The following EVPL variants were observed in gnomAD, a reference collection of about 807,000 sequenced individuals.
The protein encoded by EVPL is envoplakin, also known as 210 kDa cornified envelope precursor protein.
In EVPL, 94 loss-of-function variants were observed where a neutral mutation model predicts 129.7. The observed-to-expected ratio is 0.72, with a 90% CI of 0.61 to 0.86. The LOEUF (loss-of-function observed/expected upper bound fraction) is 0.86. EVPL is among the 40% of genes least tolerant of loss of function. The pLI is 0.00. For missense variants in EVPL, 2,625 were observed against 2,721.1 expected (o/e 0.96, Z 0.79); for synonymous variants, 1,172 against 1,191.1 (o/e 0.98, Z 0.33).
rs2066357358 is a variant in EVPL, at chr17:76,009,594, G to A, written c.3611C>T (p.Pro1204Leu). The change falls in exon 22 of 22, where the codon CCG (proline) becomes CTG (leucine). Residue 1204 changes from proline to leucine, a missense_variant. Physicochemically the swap from Pro to Leu is moderately conservative, Grantham distance 98. Around this residue, in one of 4 missense-constraint regions of EVPL, gnomAD observed 1,453 missense variants for 1,511.8 expected, o/e 0.96. Transcript: ENST00000301607. The surrounding 1 kb of genome is among the most constrained non-coding windows in gnomAD (Gnocchi z 5.9). ...ERVHEIFQVDPETEQEITRLK... is the reference protein window; with the variant it reads ...ERVHEIFQVDLETEQEITRLK... ...CCGAGTGATCTCCTGCTCTGTCTCCGGATCCACCTGGAAGATCTCGTGGAC... is the reference window on the plus strand; with the variant it reads ...CCGAGTGATCTCCTGCTCTGTCTCCAGATCCACCTGGAAGATCTCGTGGAC... 6 of 1,613,988 alleles carry A rather than the reference G, an allele frequency of 3.7e-6. No homozygotes were observed. The highest frequency in any genetic ancestry group is 2.2e-5 in the East Asian group (1 of 44,882).
intron 1 of EVPL, among the ~76,000 whole-genome samples, chr17:76,026,753 GCTCTCCTGTCTCCCAGC>G (rs1221922204): frequency 1.4e-5 from 2 of 143,426 alleles, no homozygotes; most frequent in Non-Finnish European, 3.1e-5. Flanking sequence ...TGTCTCCCAG[GCTCTCCTGTCTCCCAGC>G]CTCTGGCAGA....
chr17:76,010,737 G>A (rs533638672), intron 21 of EVPL, among the ~76,000 whole-genome samples, 194 bp from the exon 22 acceptor site: 1 of 152,280 alleles, frequency 6.6e-6, no homozygotes, highest in East Asian at 1.9e-4. Flanking sequence ...TAGGACCCAA[G>A]GCAGTGCGCA....
In EVPL at chr17:76,022,700, G is replaced by A. The variant is rs1472110698; in HGVS notation, c.481-162C>T. On this transcript the variant is annotated intron_variant, in intron 4 of 21. Coordinates refer to ENST00000301607, the MANE Select transcript of EVPL (RefSeq NM_001988.4). The surrounding 1 kb of genome is among the most constrained non-coding windows in gnomAD (Gnocchi z 5.6). Reference sequence around the variant, plus strand: ...GCCCTGCAGCTCCCCCAGGGGCGAGGCCATTCTGCAGTGGCCCCTGAGTCC... The same window carrying A: ...GCCCTGCAGCTCCCCCAGGGGCGAGACCATTCTGCAGTGGCCCCTGAGTCC... 1.3e-5 allele frequency among the ~76,000 whole-genome samples: 2 copies of A among 152,148 alleles called. No homozygotes were observed. The highest frequency in any genetic ancestry group is 4.8e-5 in the African/African-American group (2 of 41,422).
Position 76,007,314 on chromosome 17 carries a change from A to G in EVPL, c.5891T>C (p.Ile1964Thr). 6.4e-7 allele frequency: 1 copy of G among 1,556,488 alleles called. No homozygotes were observed. Residue 1964 changes from isoleucine (I) to threonine (T), a missense_variant, in exon 22 of 22, where the codon ATC (isoleucine) becomes ACC (threonine). Ile to Thr is a moderately conservative substitution (Grantham distance 89, BLOSUM62 -1). Transcript: ENST00000301607. This position sits in a 1 kb window ranked among gnomAD's most constrained non-coding sequence, Gnocchi z 8.8. ...CAGGAGCTGGGCCAGCTCTTCACTG[A>G]TCATCCCGGAGAGGAGGGCCTGCTG... Reference protein sequence around the residue: ...PIQQALLSGMISEELAQLLQD... With the variant: ...PIQQALLSGMTSEELAQLLQD...
chr17:76,011,893 A>G lies in EVPL; in HGVS notation c.2458-11T>C. On this transcript the variant is annotated splice_polypyrimidine_tract_variant and intron_variant, in intron 19 of 21. Coordinates refer to ENST00000301607, the MANE Select transcript of EVPL (RefSeq NM_001988.4). ...CTGGAGCTCATAGTCCTGAGCAGGG[A>G]GGAAAGGACAGCAGGCTGGCAACCA... 1 of 1,612,418 alleles carries G rather than the reference A, an allele frequency of 6.2e-7. No individual in the cohort carries two copies. The highest frequency in any genetic ancestry group is 8.5e-7 in the Non-Finnish European group (1 of 1,179,340).
Position 76,013,598 on chromosome 17 carries a change from C to T in EVPL, c.2373+828G>A, listed in dbSNP as rs1255105608. Reference sequence around the variant, plus strand: ...ATCACCGGGCCCCGTCCATCTCACTCACTGTCCCCTTCAAGCAGTCACCAA... The same window carrying T: ...ATCACCGGGCCCCGTCCATCTCACTTACTGTCCCCTTCAAGCAGTCACCAA... On this transcript the variant is annotated intron_variant, in intron 18 of 21. Coordinates refer to ENST00000301607, the MANE Select transcript of EVPL (RefSeq NM_001988.4). The surrounding 1 kb of genome is among the most constrained non-coding windows in gnomAD (Gnocchi z 4.3). 6.6e-6 allele frequency among the ~76,000 whole-genome samples: 1 copy of T among 152,168 alleles called. No individual in the cohort carries two copies. The highest frequency in any genetic ancestry group is 1.5e-5 in the Non-Finnish European group (1 of 68,022).
At chr17:76,025,434 G>T (rs2066491963) in intron 1 of EVPL, among the ~76,000 whole-genome samples, 1 of 152,170 alleles carries the variant, frequency 6.6e-6, no homozygotes, top group African/African-American at 2.4e-5. Flanking sequence ...AGCCAACAGG[G>T]CCCTGAGGAC....
Position 76,009,548 on chromosome 17 carries a change from C to G in EVPL, c.3657G>C (p.Glu1219Asp). The change falls in exon 22 of 22, where the codon GAG (glutamate) becomes GAC (aspartate). Residue 1219 changes from glutamate to aspartate, a missense_variant. Physicochemically the swap from Glu to Asp is conservative, Grantham distance 45. Around this residue, in one of 4 missense-constraint regions of EVPL, gnomAD observed 1,453 missense variants for 1,511.8 expected, o/e 0.96. Transcript: ENST00000301607. This position sits in a 1 kb window ranked among gnomAD's most constrained non-coding sequence, Gnocchi z 5.9. ...CCACACCGCTCCTCTTGCCCGCCAT[C>G]TCCTGCAGCTTGGCCTTGAGCCGAG... Reference protein sequence around the residue: ...EITRLKAKLQEMAGKRSGVEK... With the variant: ...EITRLKAKLQDMAGKRSGVEK... The G allele has an allele frequency of 5.6e-6, 9 of 1,614,142 alleles. No individual in the cohort carries two copies. Among genetic ancestry groups the G allele is most frequent in the Non-Finnish European group, 7.6e-6 (9 of 1,180,028 alleles).
At chr17:76,019,383 C>T in intron 10 of EVPL, 145 bp downstream of exon 10, 1 of 1,093,732 alleles carries the variant, frequency 9.1e-7, no homozygotes, top group South Asian at 1.8e-5. Context: ...TGGCCAGCCT[C>T]CTGCTAGAGT....
In EVPL at chr17:76,015,254, A is replaced by T; in HGVS notation, c.2001T>A (p.Ala667=). ...QEAPIPAEPG[A]LQERVSELQR... ...GCAGCTCGCTGACCCTCTCCTGCAG[A>T]GCCCCCGGTTCAGCAGGGATGGGGG... The change falls in exon 16 of 22, where the codon GCT becomes GCA. Residue 667 remains alanine, a synonymous_variant. Coordinates refer to ENST00000301607, the MANE Select transcript of EVPL (RefSeq NM_001988.4). 7 of 1,600,996 alleles carry T rather than the reference A, an allele frequency of 4.4e-6. No individual in the cohort carries two copies. Among genetic ancestry groups the T allele is most frequent in the Non-Finnish European group, 5.9e-6 (7 of 1,177,712 alleles).
chr17:76,010,545 T>C lies in EVPL; in HGVS notation c.2662-2A>G. 6.2e-7 allele frequency: 1 copy of C among 1,609,318 alleles called. No homozygotes were observed. Among genetic ancestry groups the C allele is most frequent in the Non-Finnish European group, 8.5e-7 (1 of 1,177,598 alleles). ...TCGGATGTCCTCACTGAGCTCCTTC[T>C]GCAGAGAGGAAGAAGGGTAGAGCAC... On this transcript the variant is annotated splice_acceptor_variant, in intron 21 of 21. Coordinates refer to ENST00000301607, the MANE Select transcript of EVPL (RefSeq NM_001988.4). LOFTEE classifies it high-confidence loss of function.
Position 76,021,957 on chromosome 17 carries a change from C to G in EVPL, c.717G>C (p.Leu239=). ...GGCGCTGCTGCTCAGCCAGGGCGCT[C>G]AGCTGCCGCGTGCAGCCCTGGAGGT... The part of the protein sequence containing the change: ...YTHLQGCTRQ[L]SALAEQQRRI... Residue 239 remains leucine (L), a synonymous_variant, in exon 7 of 22, where the codon CTG becomes CTC. Coordinates refer to ENST00000301607, the MANE Select transcript of EVPL (RefSeq NM_001988.4). The G allele has an allele frequency of 1.3e-6, 2 of 1,560,346 alleles. No homozygotes were observed. The highest frequency in any genetic ancestry group is 1.7e-6 in the Non-Finnish European group (2 of 1,160,358).
In EVPL at chr17:76,009,071, G is replaced by C. The variant is rs1213386611; in HGVS notation, c.4134C>G (p.Thr1378=). The C allele has an allele frequency of 6.2e-7, 1 of 1,613,602 alleles. No homozygotes were observed. The highest frequency in any genetic ancestry group is 8.5e-7 in the Non-Finnish European group (1 of 1,179,736). The part of the protein sequence containing the change: ...EKVVVQEVVV[T]QKDPKLREEH... ...CCTCGCGCAGCTTCGGGTCCTTCTG[G>C]GTGACCACCACCTCCTGCACCACCA... Residue 1378 remains threonine (T), a synonymous_variant, in exon 22 of 22, where the codon ACC becomes ACG. Coordinates refer to ENST00000301607, the MANE Select transcript of EVPL (RefSeq NM_001988.4). This position sits in a 1 kb window ranked among gnomAD's most constrained non-coding sequence, Gnocchi z 5.9.
chr17:76,017,818 T>A lies in EVPL; in HGVS notation c.1631A>T (p.Gln544Leu). 1 of 1,613,840 alleles carries A rather than the reference T, an allele frequency of 6.2e-7. No individual in the cohort carries two copies. The highest frequency in any genetic ancestry group is 1.3e-5 in the African/African-American group (1 of 75,064). ...CGGGGCCCGCGCCCAGGCCAGCACCTGCCTCTCTATCTGTCCCAGGTCTCC... is the reference window on the plus strand; with the variant it reads ...CGGGGCCCGCGCCCAGGCCAGCACCAGCCTCTCTATCTGTCCCAGGTCTCC... ...LDGDLGQIERQVLAWARAPLS... is the reference protein window; with the variant it reads ...LDGDLGQIERLVLAWARAPLS... The change falls in exon 14 of 22, where the codon CAG becomes CTG. Residue 544 changes from glutamine to leucine, a missense_variant. Gln to Leu is a moderately radical substitution (Grantham distance 113). Transcript: ENST00000301607.
At position 76,021,869 on chromosome 17, in the gene EVPL, C is replaced by G. The variant is rs772658064; in HGVS notation, c.805G>C (p.Glu269Gln). The G allele has an allele frequency of 6.4e-7, 1 of 1,557,044 alleles. No individual in the cohort carries two copies. Among genetic ancestry groups the G allele is most frequent in the Non-Finnish European group, 8.6e-7 (1 of 1,158,496 alleles). ...GGCCCCGACCTCTGCCAGCCGACCT[C>G]GTACTCCCGCCGCACGCCCGCAGGG... is the stretch of plus-strand genomic sequence containing the variant. The part of the protein sequence containing the change: ...ADPAGVRREY[E>Q]HFKQHELLSQ... The change falls in exon 7 of 22, where the codon GAG (glutamate) becomes CAG (glutamine). Residue 269 changes from glutamate (E) to glutamine (Q), a missense_variant and splice_region_variant. Coordinates refer to ENST00000301607, the MANE Select transcript of EVPL (RefSeq NM_001988.4).
rs1231347436 is a variant in EVPL at position 76,008,325 on chromosome 17, T to G, written c.4880A>C (p.Glu1627Ala). 6.2e-7 allele frequency: 1 copy of G among 1,606,752 alleles called. No homozygotes were observed. The highest frequency in any genetic ancestry group is 8.5e-7 in the Non-Finnish European group (1 of 1,179,852). The change falls in exon 22 of 22, where the codon GAG becomes GCG. Residue 1627 changes from glutamate (E) to alanine (A), a missense_variant. Physicochemically the swap from Glu to Ala is moderately radical, Grantham distance 107. This residue lies in a region of EVPL where 1,453 missense variants were observed against 1,511.8 expected (regional missense o/e 0.96). Transcript: ENST00000301607. This position sits in a 1 kb window ranked among gnomAD's most constrained non-coding sequence, Gnocchi z 7.4. ...GCCCCGCTGGGCCGCCTTCTGTCGC[T>G]CGCTCTCCGTCTTCTGGCTGAGCAG... The part of the protein sequence containing the change: ...SKLLSQKTES[E>A]RQKAAQRGQE...
In EVPL at chr17:76,014,981, G is replaced by A; in HGVS notation, c.2157C>T (p.Arg719=). Residue 719 remains arginine, a synonymous_variant, in exon 17 of 22, where the codon CGC becomes CGT. Coordinates refer to ENST00000301607, the MANE Select transcript of EVPL (RefSeq NM_001988.4). The part of the protein sequence containing the change: ...NFQEFCQDLP[R]QQRQVRALTD... Reference sequence around the variant, plus strand: ...TGAGGGCTCGCACCTGGCGCTGCTGGCGAGGCAGGTCTTGGCAGAACTCCT... The same window carrying A: ...TGAGGGCTCGCACCTGGCGCTGCTGACGAGGCAGGTCTTGGCAGAACTCCT... 1 of 1,597,120 alleles carries A rather than the reference G, an allele frequency of 6.3e-7. No individual in the cohort carries two copies. Among genetic ancestry groups the A allele is most frequent in the Non-Finnish European group, 8.5e-7 (1 of 1,175,926 alleles).
Position 76,024,139 on chromosome 17 carries a change from A to G in EVPL, c.99-19T>C, listed in dbSNP as rs2066483351. 3.7e-6 allele frequency: 6 copies of G among 1,610,532 alleles called. No homozygotes were observed. Among genetic ancestry groups the G allele is most frequent in the Non-Finnish European group, 5.1e-6 (6 of 1,178,426 alleles). On this transcript the variant is annotated intron_variant, in intron 1 of 21. Coordinates refer to ENST00000301607, the MANE Select transcript of EVPL (RefSeq NM_001988.4). This position sits in a 1 kb window ranked among gnomAD's most constrained non-coding sequence, Gnocchi z 4.5. Reference sequence around the variant, plus strand: ...GGCAGCCCTAGTGTGTGGAGGGGACAGCGGGTAGCTCGGTGGAAGAGGCCC... The same window carrying G: ...GGCAGCCCTAGTGTGTGGAGGGGACGGCGGGTAGCTCGGTGGAAGAGGCCC...
Position 76,024,119 on chromosome 17 carries a change from C to T in EVPL, c.100G>A (p.Ala34Thr), listed in dbSNP as rs752596212. 8.1e-6 allele frequency: 13 copies of T among 1,613,324 alleles called. No individual in the cohort carries two copies. In the Admixed American group the frequency reaches 2.2e-4, roughly 27 times the overall value. ...PKGSPSRHSRAATQELALLIS... is the reference protein window; with the variant it reads ...PKGSPSRHSRTATQELALLIS... ...AGAAGGGCCAGCTCCTGGGTGGCAG[C>T]CCTAGTGTGTGGAGGGGACAGCGGG... The change falls in exon 2 of 22, where the codon GCT becomes ACT. Residue 34 changes from alanine to threonine, a missense_variant and splice_region_variant. Coordinates refer to ENST00000301607, the MANE Select transcript of EVPL (RefSeq NM_001988.4). The surrounding 1 kb of genome is among the most constrained non-coding windows in gnomAD (Gnocchi z 4.5).
Sources: gnomAD v4.1 joint callset for allele counts (sites outside exome capture counted in the v4.1 genomes callset) on GRCh38, gnomAD v4.1.1 for gene constraint, gnomAD v4.1.1 regional missense constraint, Gnocchi (gnomAD v3.1) non-coding constraint, MANE v1.5 for transcripts, NCBI Gene and HGNC (gene_info 2026-07-23, HGNC 2026-07-21) for gene names.